KIF13A: variants seen among roughly 807,000 people sequenced by gnomAD.
The protein encoded by KIF13A is kinesin family member 13A, also known as kinesin-like protein KIF13A.
Under a neutral mutation model 212.2 loss-of-function variants are expected in KIF13A, and 79 were observed. The ratio of observed to expected loss-of-function variants is 0.37; its 90% CI spans 0.31 to 0.45. The LOEUF is 0.45. Ranked by LOEUF, KIF13A falls within the 20% of genes least tolerant of loss-of-function variation. The probability of loss-of-function intolerance (pLI) is 1.00; values close to 1 mark genes in which losing one functional copy is unlikely to be tolerated. For missense variants in KIF13A, 1,901 were observed against 2,209.0 expected (o/e 0.86, Z 2.79); for synonymous variants, 789 against 808.6 (o/e 0.98, Z 0.41).
intron 2 of KIF13A, among the ~76,000 whole-genome samples, chr6:17,966,463 T>G (rs1159258382): frequency 6.4e-5 from 8 of 124,242 alleles, no homozygotes; most frequent in African/African-American, 2.7e-4. Flanking sequence ...TTTTTTTTTT[T>G]GACAGTGAGC....
chr6:17,928,981 G>C (rs531215986), intron 2 of KIF13A, among the ~76,000 whole-genome samples: 1 of 138,538 alleles, frequency 7.2e-6, no homozygotes, highest in African/African-American at 2.7e-5. Flanking sequence ...CTAAACACAA[G>C]ATTACAAACA....
rs758192915 is a variant in KIF13A, at chr6:17,800,127, C to T, written c.2455-14G>A. On this transcript the variant is annotated splice_polypyrimidine_tract_variant and intron_variant, in intron 20 of 38. Coordinates refer to ENST00000259711, the MANE Select transcript of KIF13A (RefSeq NM_022113.6). ...ACGCCCTGCAACCTGGGTCAAGGAA[C>T]CAGAGCACCTTAGAGTGAACAGACA... 9.8e-5 allele frequency: 158 copies of T among 1,612,108 alleles called. 1 individual carries two copies. Among genetic ancestry groups the T allele is most frequent in the Admixed American group, 4.7e-4 (28 of 59,830 alleles).
chr6:17,834,146 C>T lies in KIF13A; in HGVS notation c.1156-75G>A. ...ATATACAAGACAATCAGTTACTGTC[C>T]CTCTTAAGCAGTTATCAATAGTCTG... On this transcript the variant is annotated intron_variant, in intron 11 of 38. Coordinates refer to ENST00000259711, the MANE Select transcript of KIF13A (RefSeq NM_022113.6). This position sits in a 1 kb window ranked among gnomAD's most constrained non-coding sequence, Gnocchi z 4.0. 1.2e-6 allele frequency: 1 copy of T among 865,394 alleles called. No individual in the cohort carries two copies. The highest frequency in any genetic ancestry group is 1.8e-6 in the Non-Finnish European group (1 of 568,616). 53.6% of individuals were successfully genotyped at this position (865,394 alleles called of 1,614,324 possible).
At chr6:17,937,947 C>T (rs1385266728) in intron 2 of KIF13A, among the ~76,000 whole-genome samples, 6 of 152,086 alleles carry the variant, frequency 3.9e-5, no homozygotes, top group East Asian at 1.9e-4. Flanking sequence ...TGAAGTTTCA[C>T]CATTTGGCCA....
rs547225069 is a variant in KIF13A, at chr6:17,856,233, C to T, written c.221-111G>A. The T allele has an allele frequency of 4.5e-5, 32 of 709,482 alleles. No individual in the cohort carries two copies. The highest frequency in any genetic ancestry group is 7.2e-5 in the Admixed American group (3 of 41,498). The allele number at this position is 709,482 out of a possible 1,614,324, so 43.9% of individuals were successfully genotyped here. On this transcript the variant is annotated intron_variant, in intron 4 of 38. Transcript: ENST00000259711. The surrounding 1 kb of genome is among the most constrained non-coding windows in gnomAD (Gnocchi z 4.5). ...CAAAAAAATGTTAAAAGTGTAGTAC[C>T]GAGTGCCCACTAAGTACAGGGCTGT...
At chr6:17,896,289 A>G (rs1772560480) in intron 3 of KIF13A, among the ~76,000 whole-genome samples, 1 of 123,038 alleles carries the variant, frequency 8.1e-6, no homozygotes, top group East Asian at 2.7e-4. Flanking sequence ...TGACTCATGC[A>G]GCACCTGTCC....
At position 17,800,037 on chromosome 6, in the gene KIF13A, G is replaced by A. The variant is rs565377483; in HGVS notation, c.2531C>T (p.Ser844Leu). Residue 844 changes from serine (S) to leucine (L), a missense_variant, in exon 21 of 39, where the codon TCG (serine) becomes TTG (leucine). Around this residue, in one of 5 missense-constraint regions of KIF13A, gnomAD observed 534 missense variants for 536.9 expected, o/e 0.99. Coordinates refer to ENST00000259711, the MANE Select transcript of KIF13A (RefSeq NM_022113.6). The stretch of plus-strand genomic sequence containing the variant: ...GCTCCCACTTTCACTGGAATTCTCC[G>A]AAGAGTCATCCTCCACCACACGCTC... ...VPERVVEDDS[S>L]ENSSESGSLE... 7.4e-6 allele frequency: 12 copies of A among 1,613,960 alleles called. No individual in the cohort carries two copies. Among genetic ancestry groups the A allele is most frequent in the South Asian group, 4.4e-5 (4 of 91,078 alleles).
In KIF13A at chr6:17,849,484, G is replaced by T. The variant is rs374712230; in HGVS notation, c.723C>A (p.Ser241=). 6.2e-7 allele frequency: 1 copy of T among 1,611,412 alleles called. No individual in the cohort carries two copies. Among genetic ancestry groups the T allele is most frequent in the Non-Finnish European group, 8.5e-7 (1 of 1,178,388 alleles). The part of the protein sequence containing the change: ...QTLYDLQSGN[S]GEKVSKVSLV... Reference sequence around the variant, plus strand: ...AGCTGACCTTACTGACTTTCTCCCCGGAATTCTAGTTATAGGAAACGAGAG... The same window carrying T: ...AGCTGACCTTACTGACTTTCTCCCCTGAATTCTAGTTATAGGAAACGAGAG... The change falls in exon 9 of 39, where the codon TCC becomes TCA. Residue 241 remains serine, a synonymous_variant. Coordinates refer to ENST00000259711, the MANE Select transcript of KIF13A (RefSeq NM_022113.6). The surrounding 1 kb of genome is among the most constrained non-coding windows in gnomAD (Gnocchi z 5.7).
chr6:17,964,101 G>C (rs773523425), intron 2 of KIF13A, among the ~76,000 whole-genome samples: 9 of 152,074 alleles, frequency 5.9e-5, no homozygotes, highest in Non-Finnish European at 1.0e-4. Context: ...CTGGGTGACA[G>C]AGTGAGACCC....
rs143738490 is a variant in KIF13A at position 17,899,832 on chromosome 6, A to C, written c.147-1652T>G. Among the ~76,000 whole-genome samples, 52 of 152,336 alleles carry C rather than the reference A, an allele frequency of 3.4e-4. 1 individual carries two copies. The East Asian group carries it at 7.3e-3, about 21-fold the overall frequency. ...ACATTTATAGAGGTTATAAATAAAA[A>C]TGCACAAGTGTTTTTAATTCTAAGG... is the stretch of plus-strand genomic sequence containing the variant. On this transcript the variant is annotated intron_variant, in intron 2 of 38. Transcript: ENST00000259711. The surrounding 1 kb of genome is among the most constrained non-coding windows in gnomAD (Gnocchi z 5.2).
Position 17,799,886 on chromosome 6 carries a change from T to G in KIF13A, c.2616+66A>C. On this transcript the variant is annotated intron_variant, in intron 21 of 38. Transcript: ENST00000259711. The surrounding 1 kb of genome is among the most constrained non-coding windows in gnomAD (Gnocchi z 4.4). Reference sequence around the variant, plus strand: ...CCCTGGATGAAAAACTCTCATAAGATTTTTTGTAAAATGGTTTTGCATGAA... The same window carrying G: ...CCCTGGATGAAAAACTCTCATAAGAGTTTTTGTAAAATGGTTTTGCATGAA... 3 of 1,543,464 alleles carry G rather than the reference T, an allele frequency of 1.9e-6. No individual in the cohort carries two copies. Among genetic ancestry groups the G allele is most frequent in the Non-Finnish European group, 2.6e-6 (3 of 1,137,794 alleles).
Position 17,828,513 on chromosome 6 carries a change from A to G in KIF13A, c.1402-143T>C. The G allele has an allele frequency of 1.5e-6, 1 of 656,910 alleles. No homozygotes were observed. 40.7% of individuals were successfully genotyped at this position (656,910 alleles called of 1,614,324 possible). A position where few individuals can be genotyped will look rare whatever the true frequency, so the allele number is the denominator to read the frequency against. On this transcript the variant is annotated intron_variant, in intron 13 of 38. Coordinates refer to ENST00000259711, the MANE Select transcript of KIF13A (RefSeq NM_022113.6). This position sits in a 1 kb window ranked among gnomAD's most constrained non-coding sequence, Gnocchi z 4.3. ...GCCAGAGATGTTAAATATCTTAAGC[A>G]TTAAAAGTAAAACGCTTACCCTTAA... is the stretch of plus-strand genomic sequence containing the variant.
chr6:17,761,999 C>A (rs1460164975), downstream of KIF13A, among the ~76,000 whole-genome samples: 1 of 152,076 alleles, frequency 6.6e-6, no homozygotes, highest in African/African-American at 2.4e-5. Context: ...CTGCTGCACA[C>A]TGTATAAAGC....
Position 17,855,656 on chromosome 6 carries a change from G to C in KIF13A, c.314-39C>G. The stretch of plus-strand genomic sequence containing the variant: ...AGGAAAAAGAAGAACAGGTAGAGGA[G>C]GGAGCAAAATGCAATGCTTCAACCA... On this transcript the variant is annotated intron_variant, in intron 5 of 38. Transcript: ENST00000259711. This position sits in a 1 kb window ranked among gnomAD's most constrained non-coding sequence, Gnocchi z 4.1. 6.6e-7 allele frequency: 1 copy of C among 1,516,212 alleles called. No individual in the cohort carries two copies. The highest frequency in any genetic ancestry group is 8.9e-7 in the Non-Finnish European group (1 of 1,118,994). 93.9% of individuals were successfully genotyped at this position (1,516,212 alleles called of 1,614,324 possible). A position where few individuals can be genotyped will look rare whatever the true frequency, so the allele number is the denominator to read the frequency against.
intron 2 of KIF13A, among the ~76,000 whole-genome samples, chr6:17,979,637 A>G (rs2150636170): frequency 6.6e-6 from 1 of 152,318 alleles, no homozygotes; most frequent in South Asian, 2.1e-4. Context: ...CCTTAACATA[A>G]AATATACCAA....
chr6:17,892,267 A>G lies in KIF13A; in HGVS notation c.159+5901T>C, dbSNP rs1385833448. Among the ~76,000 whole-genome samples, 2 of 152,170 alleles carry G rather than the reference A, an allele frequency of 1.3e-5. No homozygotes were observed. The highest frequency in any genetic ancestry group is 6.5e-5 in the Admixed American group (1 of 15,274). On this transcript the variant is annotated intron_variant, in intron 3 of 38. Transcript: ENST00000259711. This position sits in a 1 kb window ranked among gnomAD's most constrained non-coding sequence, Gnocchi z 4.7. The stretch of plus-strand genomic sequence containing the variant: ...TGCTGTTAGCATCAAAGTCCTGGTT[A>G]CTTTATTTCTGTAATGTTTTCGTAA...
At chr6:17,827,288 G>A (rs1765050331) in intron 14 of KIF13A, among the ~76,000 whole-genome samples, 1 of 151,568 alleles carries the variant, frequency 6.6e-6, no homozygotes, top group Non-Finnish European at 1.5e-5. Context: ...TAGAGTAGGG[G>A]GTTTCGCCAT....
chr6:17,873,760 A>G (rs1770237613), intron 3 of KIF13A, among the ~76,000 whole-genome samples: 1 of 151,978 alleles, frequency 6.6e-6, no homozygotes, highest in Non-Finnish European at 1.5e-5. Context: ...GCAATTAAAA[A>G]AAAAATTGTT....
rs1487265691 is a variant in KIF13A, at chr6:17,768,442, C to T, written c.4581+2672G>A. Among the ~76,000 whole-genome samples the T allele has an allele frequency of 6.6e-6, 1 of 152,160 alleles. No homozygotes were observed. Among genetic ancestry groups the T allele is most frequent in the Non-Finnish European group, 1.5e-5 (1 of 68,024 alleles). On this transcript the variant is annotated intron_variant, in intron 38 of 38. Transcript: ENST00000259711. The surrounding 1 kb of genome is among the most constrained non-coding windows in gnomAD (Gnocchi z 5.4). ...TTGTAAGGAGTTTCCTTCATTAATG[C>T]AATTTCCACTCCTATTATAATCATG...
Sources: gnomAD v4.1 joint callset for allele counts (sites outside exome capture counted in the v4.1 genomes callset) on GRCh38, gnomAD v4.1.1 for gene constraint, gnomAD v4.1.1 regional missense constraint, Gnocchi (gnomAD v3.1) non-coding constraint, MANE v1.5 for transcripts, NCBI Gene and HGNC (gene_info 2026-07-23, HGNC 2026-07-21) for gene names.